RPS24: variants seen among roughly 807,000 people sequenced by gnomAD.
The protein encoded by RPS24 is small ribosomal subunit protein eS24.
For synonymous variants in RPS24, 72 were observed against 55.6 expected (o/e 1.30, Z -1.31); for missense variants, 100 against 162.5 (o/e 0.62, Z 2.09).
chr10:78,038,195 A>G, intron 4 of RPS24: 1 of 216,994 alleles, frequency 4.6e-6, no homozygotes, highest in South Asian at 6.4e-5. Flanking sequence ...TATTATGAGC[A>G]AAGGAGAAAA....
intron 1 of RPS24, chr10:78,034,115 G>T (rs939005698): frequency 1.5e-5 from 9 of 600,112 alleles, no homozygotes; most frequent in Non-Finnish European, 2.4e-5. Context: ...TGGGCTTCGG[G>T]CTCCAGCGCC....
intron 4 of RPS24, among the ~76,000 whole-genome samples, chr10:78,051,372 C>T (rs1428629883): frequency 6.6e-6 from 1 of 152,218 alleles, no homozygotes; most frequent in Non-Finnish European, 1.5e-5. Flanking sequence ...CGGATTCTTT[C>T]ACTCAGCCTA....
At chr10:78,042,979 C>T (rs1848002239), downstream of RPS24, among the ~76,000 whole-genome samples, 1 of 149,536 alleles carries the variant, frequency 6.7e-6, no homozygotes, top group Non-Finnish European at 1.5e-5. Flanking sequence ...GAACAACGAT[C>T]TCCATTAATC....
intron 4 of RPS24, chr10:78,039,875 A>G (rs1228575859): frequency 2.4e-6 from 1 of 410,500 alleles, no homozygotes; most frequent in Non-Finnish European, 4.6e-6. Context: ...GCAGAGGGGC[A>G]GAGGCTCAGG....
intron 4 of RPS24, 179 bp downstream of exon 4, chr10:78,037,483 C>A: frequency 2.8e-6 from 3 of 1,059,854 alleles, no homozygotes; most frequent in Non-Finnish European, 3.9e-6. Context: ...TGTCTTAACA[C>A]CTCAGTAAAG....
chr10:78,054,644 A>G lies in RPS24; in HGVS notation c.504A>G (p.Val168=), dbSNP rs1589337474. 3.9e-6 allele frequency: 6 copies of G among 1,551,618 alleles called. No individual in the cohort carries two copies. The African/African-American group carries it at 6.8e-5, about 18-fold the overall frequency. ...AAAGCCGGGGGGTTGTGTGGCAGGTAGAAGTGCCAGGACCGTGGAGCGTGT... is the reference window on the plus strand; with the variant it reads ...AAAGCCGGGGGGTTGTGTGGCAGGTGGAAGTGCCAGGACCGTGGAGCGTGT... Residue 168 remains valine, a synonymous_variant, in exon 5 of 5, where the codon GTA becomes GTG. Coordinates refer to the RPS24 transcript ENST00000440692.
At chr10:78,050,897 A>G (rs532988144) in intron 4 of RPS24, among the ~76,000 whole-genome samples, 2 of 152,282 alleles carry the variant, frequency 1.3e-5, no homozygotes, top group South Asian at 2.1e-4. Context: ...TATTATGCCA[A>G]AAAGAAACCC....
intron 1 of RPS24, 163 bp downstream of exon 1, chr10:78,034,067 G>A: frequency 1.1e-6 from 1 of 875,412 alleles, no homozygotes; most frequent in Non-Finnish European, 1.9e-6. Flanking sequence ...TTGGCAGGGC[G>A]TCCGGGCTGG....
At chr10:78,056,135 G>A (rs1424505406) in exon 5 of RPS24, 1 of 152,580 alleles carries the variant, frequency 6.6e-6, no homozygotes, top group Non-Finnish European at 1.5e-5. Context: ...GGCAGTGACT[G>A]TGTCTGTTAG....
At position 78,040,334 on chromosome 10, in the gene RPS24, A is replaced by G. The variant is rs1236082073; in HGVS notation, c.*19+109A>G. ...GTAGTACATCTAGAAGTAGATTTAC[A>G]AATATTCTGAAGAGTTGTAACCTTT... On this transcript the variant is annotated intron_variant, in intron 5 of 5. Coordinates refer to ENST00000372360, the MANE Select transcript of RPS24 (RefSeq NM_033022.4). The G allele has an allele frequency of 8.3e-6, 8 of 958,616 alleles. No homozygotes were observed. In the East Asian group the frequency reaches 1.9e-4, roughly 23 times the overall value. The allele number at this position is 958,616 out of a possible 1,614,324, so 59.4% of individuals were successfully genotyped here.
chr10:78,037,445 A>G (rs1481722903), intron 4 of RPS24, 141 bp downstream of exon 4: 1 of 1,373,538 alleles, frequency 7.3e-7, no homozygotes, highest in Non-Finnish European at 9.7e-7. Context: ...ACAGAAGGTA[A>G]CATGTTTTAA....
downstream of RPS24, among the ~76,000 whole-genome samples, chr10:78,045,690 C>T (rs931718613): frequency 2.0e-5 from 3 of 150,774 alleles, no homozygotes; most frequent in African/African-American, 7.3e-5. Flanking sequence ...ACCATGTTGG[C>T]CAGGCTGGGG....
chr10:78,035,516 T>C lies in RPS24; in HGVS notation c.75T>C (p.Ile25=), dbSNP rs926830288. The part of the protein sequence containing the change: ...NRLLQRKQMV[I]DVLHPGKATV... ...AACTTGATATCTCCTTTTAGGTCAT[T>C]GATGTCCTTCACCCCGGGAAGGCGA... Residue 25 remains isoleucine (I), a synonymous_variant, in exon 3 of 6, where the codon ATT becomes ATC. Coordinates refer to ENST00000372360, the MANE Select transcript of RPS24 (RefSeq NM_033022.4). 1.5e-5 allele frequency: 25 copies of C among 1,614,148 alleles called. No individual in the cohort carries two copies. The highest frequency in any genetic ancestry group is 2.0e-5 in the Non-Finnish European group (24 of 1,179,996).
At chr10:78,042,652 T>A (rs374214914), downstream of RPS24, among the ~76,000 whole-genome samples, 7 of 152,284 alleles carry the variant, frequency 4.6e-5, no homozygotes, top group African/African-American at 1.7e-4. Context: ...AGGGAGCACA[T>A]CCCTTCCTTC....
Position 78,040,630 on chromosome 10 carries a change from T to C in RPS24, c.*35T>C. 6.2e-7 allele frequency: 1 copy of C among 1,614,000 alleles called. No individual in the cohort carries two copies. Among genetic ancestry groups the C allele is most frequent in the Middle Eastern group, 1.6e-4 (1 of 6,062 alleles). On this transcript the variant is annotated 3_prime_UTR_variant, in exon 6 of 6. Transcript: ENST00000372360. ...TGATTCACAGCCGAAGGAGTAAAGG[T>C]GCTGCAATGATGTTAGCTGTGGCCA...
downstream of RPS24, among the ~76,000 whole-genome samples, chr10:78,043,465 G>T (rs534302207): frequency 6.6e-6 from 1 of 152,286 alleles, no homozygotes; most frequent in African/African-American, 2.4e-5. Flanking sequence ...AGGCACTCCA[G>T]TATTAAGCTA....
intron 4 of RPS24, 23 bp downstream of exon 4, chr10:78,037,327 T>G (rs574951162): frequency 1.3e-6 from 2 of 1,574,046 alleles, no homozygotes; most frequent in Non-Finnish European, 1.7e-6. Flanking sequence ...AAGGAAAATA[T>G]AGAAACGTCA....
chr10:78,050,754 G>T (rs59677462), intron 4 of RPS24, among the ~76,000 whole-genome samples: 2 of 152,274 alleles, frequency 1.3e-5, no homozygotes, highest in Admixed American at 6.5e-5. Context: ...AGGACTACAG[G>T]TGCACAGCAC....
Position 78,034,178 on chromosome 10 carries a change from G to C in RPS24, c.3+274G>C. On this transcript the variant is annotated intron_variant, in intron 1 of 5. Coordinates refer to ENST00000372360, the MANE Select transcript of RPS24 (RefSeq NM_033022.4). ...TTGACTTCGTGGAGCACGGTGGATGGGGGTAGGGGGCGGGCGGGATAGATG... is the reference window on the plus strand; with the variant it reads ...TTGACTTCGTGGAGCACGGTGGATGCGGGTAGGGGGCGGGCGGGATAGATG... The C allele has an allele frequency of 8.8e-6, 5 of 567,608 alleles. 1 individual carries two copies. Among genetic ancestry groups the C allele is most frequent in the East Asian group, 5.8e-5 (2 of 34,228 alleles). 35.2% of individuals were successfully genotyped at this position (567,608 alleles called of 1,614,324 possible).
Sources: allele counts gnomAD v4.1 joint callset (sites outside exome capture counted in the v4.1 genomes callset), GRCh38; gene constraint gnomAD v4.1.1; transcripts MANE v1.5; gene names NCBI Gene and HGNC (gene_info 2026-07-23, HGNC 2026-07-21).